The following PCDHA2 variants were observed in gnomAD, a reference collection of about 807,000 sequenced individuals.
PCDHA2 encodes the protein protocadherin alpha 2.
PCDHA2 carries 58 observed loss-of-function variants against 66.0 expected under a neutral mutation model. The observed-to-expected ratio is 0.88, with a 90% CI of 0.71 to 1.09. PCDHA2 has a LOEUF of 1.09. PCDHA2 is among the 50% of genes least tolerant of loss of function. The pLI, the probability that PCDHA2 is intolerant of heterozygous loss-of-function variation, is 0.00. For synonymous variants in PCDHA2, 634 were observed against 554.0 expected (o/e 1.14, Z -2.03); for missense variants, 1,267 against 1,242.3 (o/e 1.02, Z -0.30).
At chr5:140,919,823 T>C (rs1554199267) in intron 1 of PCDHA2, among the ~76,000 whole-genome samples, 1 of 152,222 alleles carries the variant, frequency 6.6e-6, no homozygotes, top group Non-Finnish European at 1.5e-5. Flanking sequence ...AAAATATATG[T>C]CCACATAGTA....
At chr5:140,819,969 G>A (rs1766662256) in intron 1 of PCDHA2, among the ~76,000 whole-genome samples, 1 of 151,792 alleles carries the variant, frequency 6.6e-6, no homozygotes, top group South Asian at 2.1e-4. Flanking sequence ...TTTTTTCAAA[G>A]GTTATCTTTG....
Position 140,809,179 on chromosome 5 carries a change from T to C in PCDHA2, c.2388+11827T>C, listed in dbSNP as rs782035761. 8.7e-6 allele frequency: 14 copies of C among 1,613,886 alleles called. No homozygotes were observed. In the African/African-American group the frequency reaches 9.3e-5, roughly 11 times the overall value. ...AGCCCGCGCTGACGGCCACGGCCAC[T>C]GTGCTGGTGTCACTTGTGGAGAGTG... On this transcript the variant is annotated intron_variant, in intron 1 of 3. Transcript: ENST00000526136.
intron 1 of PCDHA2, chr5:140,828,638 A>G: frequency 6.2e-7 from 1 of 1,614,228 alleles, no homozygotes; most frequent in Non-Finnish European, 8.5e-7. Flanking sequence ...GCTAGATGTG[A>G]AAATAAACAG....
chr5:140,896,389 G>C (rs2065520134), intron 1 of PCDHA2, among the ~76,000 whole-genome samples: 1 of 152,124 alleles, frequency 6.6e-6, no homozygotes, highest in East Asian at 1.9e-4. Flanking sequence ...AACCTCACCA[G>C]CATCTGTTAT....
intron 1 of PCDHA2, chr5:140,829,952 C>T: frequency 3.1e-6 from 5 of 1,614,008 alleles, no homozygotes; most frequent in African/African-American, 1.3e-5. Flanking sequence ...CGCTCGCTTC[C>T]CGTTTCGCGT....
intron 1 of PCDHA2, chr5:140,883,711 C>G: frequency 6.2e-7 from 1 of 1,613,576 alleles, no homozygotes; most frequent in Admixed American, 1.7e-5. Flanking sequence ...CTGCTCAGGA[C>G]GCGGACGCAC....
intron 1 of PCDHA2, chr5:140,801,723 G>A (rs1554121645): frequency 1.9e-6 from 3 of 1,578,074 alleles, no homozygotes; most frequent in Non-Finnish European, 8.7e-7. Flanking sequence ...TGATTCCACT[G>A]AATATTTTAC....
At chr5:140,857,932 C>T in intron 1 of PCDHA2, 1 of 1,597,630 alleles carries the variant, frequency 6.3e-7, no homozygotes, top group East Asian at 2.2e-5. Flanking sequence ...TGTACACGGG[C>T]GAGATCAGTA....
chr5:141,009,717 A>C lies in PCDHA2; in HGVS notation c.2627A>C (p.Gln876Pro). Residue 876 changes from glutamine to proline, a missense_variant, in exon 4 of 4, where the codon CAA becomes CCA. Coordinates refer to ENST00000526136, the MANE Select transcript of PCDHA2 (RefSeq NM_018905.3). ...AAATACGGACCAGGCAACCCCAAAC[A>C]ATCCGGTCCCGGTGAGTTGCCCGAC... ...TFKYGPGNPK[Q>P]SGPGELPDKF... is the part of the protein sequence containing the mutation. 4 of 1,614,058 alleles carry C rather than the reference A, an allele frequency of 2.5e-6. No homozygotes were observed. The highest frequency in any genetic ancestry group is 3.4e-6 in the Non-Finnish European group (4 of 1,180,004).
intron 1 of PCDHA2, among the ~76,000 whole-genome samples, chr5:140,901,744 A>G (rs781984509): frequency 1.3e-5 from 2 of 152,144 alleles, no homozygotes; most frequent in Non-Finnish European, 2.9e-5. Context: ...AAGAATGTCC[A>G]TGGTATTTTG....
chr5:140,795,184 C>T lies in PCDHA2; in HGVS notation c.220C>T (p.Leu74Phe), dbSNP rs1761929052. 4 of 1,614,130 alleles carry T rather than the reference C, an allele frequency of 2.5e-6. No homozygotes were observed. Among genetic ancestry groups the T allele is most frequent in the Non-Finnish European group, 3.4e-6 (4 of 1,180,040 alleles). ...GGTGGCGTCCAAAAGACACGGGGACCTTCTGGAGGTAAATCTGCAGAATGG... is the reference window on the plus strand; with the variant it reads ...GGTGGCGTCCAAAAGACACGGGGACTTTCTGGAGGTAAATCTGCAGAATGG... ...FRVASKRHGD[L>F]LEVNLQNGIL... The change falls in exon 1 of 4, where the codon CTT (leucine) becomes TTT (phenylalanine). Residue 74 changes from leucine (L) to phenylalanine (F), a missense_variant. Coordinates refer to ENST00000526136, the MANE Select transcript of PCDHA2 (RefSeq NM_018905.3).
intron 1 of PCDHA2, chr5:140,875,857 A>C: frequency 6.2e-7 from 1 of 1,614,124 alleles, no homozygotes; most frequent in Non-Finnish European, 8.5e-7. Context: ...CATTAACGAC[A>C]ACCCGCCGGT....
chr5:140,980,412 A>G (rs1264059417), intron 2 of PCDHA2, among the ~76,000 whole-genome samples: 4 of 152,302 alleles, frequency 2.6e-5, no homozygotes, highest in Non-Finnish European at 5.9e-5. Flanking sequence ...TGGGCAGATC[A>G]TGAGGTCAAG....
In PCDHA2 at chr5:140,999,778, T is replaced by G. The variant is rs1252583642; in HGVS notation, c.2537-9849T>G. On this transcript the variant is annotated intron_variant, in intron 3 of 3. Coordinates refer to ENST00000526136, the MANE Select transcript of PCDHA2 (RefSeq NM_018905.3). ...ACATGATGTCTTTATACTCTTAACC[T>G]AGAAATGGCAGAGTTATTTTGGGCA... 3.0e-4 allele frequency among the ~76,000 whole-genome samples: 46 copies of G among 152,162 alleles called. 1 individual carries two copies.
intron 1 of PCDHA2, chr5:140,967,993 T>C (rs372478638): frequency 1.5e-5 from 24 of 1,614,206 alleles, no homozygotes; most frequent in Non-Finnish European, 1.2e-5. Flanking sequence ...CCACACTGCC[T>C]TTCCGACTGA....
At position 140,843,722 on chromosome 5, in the gene PCDHA2, C is replaced by T. The variant is rs2150365613; in HGVS notation, c.2388+46370C>T. ...TGTTGATCATGGCCTCAAAGTAAGT[C>T]CATTTAAATTTAGAACTCATAAATT... On this transcript the variant is annotated intron_variant, in intron 1 of 3. Coordinates refer to ENST00000526136, the MANE Select transcript of PCDHA2 (RefSeq NM_018905.3). 2.4e-4 allele frequency: 371 copies of T among 1,561,926 alleles called. 35 individuals carry two copies. The highest frequency in any genetic ancestry group is 1.3e-3 in the East Asian group (56 of 44,658).
intron 3 of PCDHA2, among the ~76,000 whole-genome samples, chr5:141,007,874 T>TA (rs2098349969): frequency 6.6e-6 from 1 of 152,244 alleles, no homozygotes; most frequent in African/African-American, 2.4e-5. Flanking sequence ...TCCTTTGTCT[T>TA]ACACTTCTTT....
intron 1 of PCDHA2, among the ~76,000 whole-genome samples, chr5:140,826,318 TG>T (rs201431097): frequency 0.015 from 2,328 of 152,304 alleles, 62 homozygotes; most frequent in African/African-American, 0.052. Flanking sequence ...TTTTGGGGAT[TG>T]TTTTTGGTTA....
At chr5:140,925,108 G>GGAGGGAA (rs1554202548) in intron 1 of PCDHA2, among the ~76,000 whole-genome samples, 1 of 124,702 alleles carries the variant, frequency 8.0e-6, no homozygotes, top group African/African-American at 3.3e-5. Context: ...GAAGGAAGGA[G>GGAGGGAA]GGAAGGAAGG....
Sources: gnomAD v4.1 joint callset for allele counts (sites outside exome capture counted in the v4.1 genomes callset) on GRCh38, gnomAD v4.1.1 for gene constraint, MANE v1.5 for transcripts, NCBI Gene and HGNC (gene_info 2026-07-23, HGNC 2026-07-21) for gene names.